KIAA1328: variants seen among roughly 807,000 people sequenced by gnomAD.
KIAA1328 encodes protein hinderin.
KIAA1328 carries 52 observed loss-of-function variants against 68.1 expected under a neutral mutation model. The observed-to-expected ratio is 0.76, with a 90% confidence interval of 0.61 to 0.96. The LOEUF (loss-of-function observed/expected upper bound fraction) is 0.96, where lower values mean the gene tolerates loss of function less well. Among genes scored for constraint, KIAA1328 ranks in the 40% least tolerant of loss-of-function variants. The probability of loss-of-function intolerance (pLI) is 0.00; values close to 1 mark genes in which losing one functional copy is unlikely to be tolerated. For synonymous variants in KIAA1328, 232 were observed against 239.4 expected, an observed-to-expected ratio of 0.97 and a Z score of 0.28; for missense variants, 641 against 677.6, an observed-to-expected ratio of 0.95 and a Z score of 0.60.
At chr18:37,072,097 T>A (rs1047496341) in intron 7 of KIAA1328, among the ~76,000 whole-genome samples, 1 of 152,184 alleles carries the variant, frequency 6.6e-6, no homozygotes, top group Admixed American at 6.5e-5. Flanking sequence ...TTATCTGTGT[T>A]TCTATTTTTT....
At chr18:37,113,313 G>A (rs1005435786) in intron 7 of KIAA1328, among the ~76,000 whole-genome samples, 3 of 152,062 alleles carry the variant, frequency 2.0e-5, no homozygotes, top group Non-Finnish European at 2.9e-5. Context: ...GGATCTCTGG[G>A]CAGAAACTCT....
intron 6 of KIAA1328, among the ~76,000 whole-genome samples, chr18:36,972,815 T>C (rs890453849): frequency 6.6e-6 from 1 of 152,120 alleles, no homozygotes; most frequent in African/African-American, 2.4e-5. Context: ...TACTAAATGC[T>C]GGGAATATAC....
intron 6 of KIAA1328, among the ~76,000 whole-genome samples, chr18:37,056,139 CAT>C (rs2055897372): frequency 1.3e-5 from 2 of 152,028 alleles, no homozygotes; most frequent in Non-Finnish European, 2.9e-5. Context: ...TGTTTTTTGA[CAT>C]GTGAGAACGT....
At chr18:36,933,060 C>T (rs2050369670) in intron 5 of KIAA1328, among the ~76,000 whole-genome samples, 1 of 151,968 alleles carries the variant, frequency 6.6e-6, no homozygotes, top group Admixed American at 6.6e-5. Flanking sequence ...AATTCTGTAG[C>T]CCTAATCTCA....
chr18:36,920,100 G>T (rs746056524), intron 5 of KIAA1328, among the ~76,000 whole-genome samples: 1 of 152,122 alleles, frequency 6.6e-6, no homozygotes, highest in Non-Finnish European at 1.5e-5. Context: ...GCAGTTGCTT[G>T]TAGGAACTCG....
chr18:37,044,536 GC>G, intron 6 of KIAA1328, among the ~76,000 whole-genome samples: 1 of 152,256 alleles, frequency 6.6e-6, no homozygotes, highest in East Asian at 1.9e-4. Flanking sequence ...GGTGGCTCAT[GC>G]CTGTAATCCC....
At chr18:36,879,605 TAA>T (rs1290499219) in intron 4 of KIAA1328, among the ~76,000 whole-genome samples, 2 of 152,224 alleles carry the variant, frequency 1.3e-5, no homozygotes, top group Non-Finnish European at 2.9e-5. Flanking sequence ...CAGGAATCTT[TAA>T]GTCTGCTGAA....
intron 7 of KIAA1328, among the ~76,000 whole-genome samples, chr18:37,128,806 T>G (rs1160425274): frequency 2.0e-5 from 3 of 152,050 alleles, no homozygotes; most frequent in Non-Finnish European, 2.9e-5. Context: ...ATCCATACAA[T>G]AGAATACTCC....
intron 5 of KIAA1328, among the ~76,000 whole-genome samples, chr18:36,952,951 T>C (rs2051221634): frequency 6.7e-6 from 1 of 149,974 alleles, no homozygotes; most frequent in African/African-American, 2.5e-5. Context: ...AGAGACTGAG[T>C]AATAGTAGAA....
At chr18:36,951,634 T>C (rs2051165667) in intron 5 of KIAA1328, among the ~76,000 whole-genome samples, 1 of 152,164 alleles carries the variant, frequency 6.6e-6, no homozygotes. Context: ...CTTCGCTATC[T>C]CCACTAAACT....
At chr18:37,101,560 C>T (rs1490511592) in intron 7 of KIAA1328, among the ~76,000 whole-genome samples, 7 of 152,026 alleles carry the variant, frequency 4.6e-5, no homozygotes, top group East Asian at 1.9e-4. Context: ...CTGAAAGTGA[C>T]GGGGAGAATG....
At chr18:36,855,783 TTAAG>T (rs2047362832) in intron 4 of KIAA1328, among the ~76,000 whole-genome samples, 1 of 151,816 alleles carries the variant, frequency 6.6e-6, no homozygotes, top group Non-Finnish European at 1.5e-5. Flanking sequence ...ACTATTATAT[TTAAG>T]TATTTATTTA....
At chr18:36,925,475 A>T (rs560543794) in intron 5 of KIAA1328, among the ~76,000 whole-genome samples, 1 of 152,288 alleles carries the variant, frequency 6.6e-6, no homozygotes, top group South Asian at 2.1e-4. Flanking sequence ...TTTGTACAGT[A>T]TAAACAGATC....
chr18:36,957,279 A>G (rs913703226), intron 5 of KIAA1328, among the ~76,000 whole-genome samples: 1 of 152,204 alleles, frequency 6.6e-6, no homozygotes, highest in Non-Finnish European at 1.5e-5. Flanking sequence ...TTGTAAAAGT[A>G]TGTATACAGA....
At chr18:36,960,710 G>A (rs565798586) in intron 6 of KIAA1328, among the ~76,000 whole-genome samples, 1 of 152,314 alleles carries the variant, frequency 6.6e-6, no homozygotes, top group Admixed American at 6.5e-5. Context: ...CAACAGACCT[G>A]CAGCTGAGAG....
chr18:36,928,138 T>C (rs1303601402), intron 5 of KIAA1328, among the ~76,000 whole-genome samples: 1 of 152,170 alleles, frequency 6.6e-6, no homozygotes, highest in Non-Finnish European at 1.5e-5. Context: ...TATATCAGTG[T>C]TGCTTTCTGT....
intron 4 of KIAA1328, among the ~76,000 whole-genome samples, chr18:36,866,510 A>G (rs1250125779): frequency 2.0e-5 from 3 of 152,180 alleles, no homozygotes; most frequent in Admixed American, 2.0e-4. Context: ...ATGAGAAAAA[A>G]GTGATCTCTT....
intron 5 of KIAA1328, 93 bp from the exon 6 acceptor site, chr18:36,959,215 G>C (rs959131910): frequency 8.4e-7 from 1 of 1,192,866 alleles, no homozygotes; most frequent in Non-Finnish European, 1.1e-6. Context: ...TGCATTTCTG[G>C]TTCTGTTTTG....
intron 6 of KIAA1328, among the ~76,000 whole-genome samples, chr18:37,063,893 T>G (rs954431889): frequency 6.6e-6 from 1 of 152,042 alleles, no homozygotes; most frequent in Non-Finnish European, 1.5e-5. Context: ...TATAAAATAT[T>G]TAAGTTTCTG....
Sources: gnomAD v4.1 joint callset for allele counts (sites outside exome capture counted in the v4.1 genomes callset) on GRCh38, gnomAD v4.1.1 for gene constraint, MANE v1.5 for transcripts, NCBI Gene and HGNC (gene_info 2026-07-23, HGNC 2026-07-21) for gene names.